Variants in KCNH8 observed in about 807,000 individuals in gnomAD.
KCNH8 encodes the protein voltage-gated delayed rectifier potassium channel KCNH8.
A neutral mutation model predicts 103.6 loss-of-function variants in KCNH8; 70 were observed. That is an observed-to-expected ratio of 0.68 (90% CI 0.56 to 0.82). KCNH8 has a LOEUF of 0.82. KCNH8 is among the 40% of genes least tolerant of loss of function. The pLI, the probability that KCNH8 is intolerant of heterozygous loss-of-function variation, is 0.00. For missense variants in KCNH8, 1,217 were observed against 1,329.9 expected (o/e 0.92, Z 1.32); for synonymous variants, 498 against 489.4 (o/e 1.02, Z -0.23).
At chr3:19,275,587 A>G (rs908628672) in intron 2 of KCNH8, among the ~76,000 whole-genome samples, 4 of 152,126 alleles carry the variant, frequency 2.6e-5, no homozygotes, top group African/African-American at 7.2e-5. Context: ...TTCACTGCAG[A>G]TAAGGTGAAG....
chr3:19,291,686 G>C (rs1013070696), intron 3 of KCNH8, among the ~76,000 whole-genome samples: 10 of 152,148 alleles, frequency 6.6e-5, no homozygotes, highest in Admixed American at 2.0e-4. Flanking sequence ...TTTTGGAATA[G>C]GTGTGGTGTG....
intron 3 of KCNH8, among the ~76,000 whole-genome samples, chr3:19,292,429 C>G (rs1559462759): frequency 6.6e-6 from 1 of 152,142 alleles, no homozygotes; most frequent in Non-Finnish European, 1.5e-5. Flanking sequence ...GTTAATTACA[C>G]TGGTAAAAGT....
chr3:19,392,574 G>T (rs371222925), intron 6 of KCNH8, among the ~76,000 whole-genome samples: 2 of 151,872 alleles, frequency 1.3e-5, no homozygotes, highest in East Asian at 1.9e-4. Flanking sequence ...TTACAACAAA[G>T]ACTTAGAAAA....
intron 10 of KCNH8, 36 bp downstream of exon 10, chr3:19,451,440 C>G: frequency 6.3e-7 from 1 of 1,598,092 alleles, no homozygotes; most frequent in Non-Finnish European, 8.6e-7. Context: ...TGAAATTTGA[C>G]TCTGGAGCAT....
intron 5 of KCNH8, among the ~76,000 whole-genome samples, chr3:19,389,959 C>G (rs1322589900): frequency 6.6e-6 from 1 of 152,038 alleles, no homozygotes; most frequent in Non-Finnish European, 1.5e-5. Context: ...GACTCTGCCA[C>G]TCTTGGCAAT....
chr3:19,281,065 C>T, intron 2 of KCNH8, 133 bp from the exon 3 acceptor site: 1 of 842,044 alleles, frequency 1.2e-6, no homozygotes, highest in South Asian at 1.6e-5. Context: ...TGAAAACTGA[C>T]ATTTTTAAGA....
chr3:19,505,112 T>C, intron 11 of KCNH8, among the ~76,000 whole-genome samples: 1 of 151,388 alleles, frequency 6.6e-6, no homozygotes, highest in South Asian at 2.1e-4. Context: ...CACCATGGAA[T>C]ACTACACCGC....
intron 1 of KCNH8, among the ~76,000 whole-genome samples, chr3:19,209,012 GTCTATA>G (rs2063743406): frequency 6.6e-6 from 1 of 151,676 alleles, no homozygotes; most frequent in African/African-American, 2.4e-5. Flanking sequence ...CTATATTTAT[GTCTATA>G]TCTATACCTG....
At chr3:19,503,541 A>G (rs1360281050) in intron 11 of KCNH8, among the ~76,000 whole-genome samples, 1 of 152,218 alleles carries the variant, frequency 6.6e-6, no homozygotes, top group African/African-American at 2.4e-5. Context: ...ATATCCACCA[A>G]TGATAGACTG....
intron 11 of KCNH8, among the ~76,000 whole-genome samples, chr3:19,498,935 C>G (rs942547916): frequency 8.5e-5 from 13 of 152,202 alleles, no homozygotes; most frequent in Admixed American, 3.3e-4. Context: ...GCAGTCTGCC[C>G]GTTCTCAGAT....
chr3:19,296,836 C>A (rs1299408770), intron 3 of KCNH8, among the ~76,000 whole-genome samples: 3 of 151,078 alleles, frequency 2.0e-5, no homozygotes, highest in Non-Finnish European at 4.4e-5. Context: ...TCACCCAAAA[C>A]CTATGAAATT....
chr3:19,269,078 T>G (rs2064552865), intron 2 of KCNH8, among the ~76,000 whole-genome samples: 1 of 152,100 alleles, frequency 6.6e-6, no homozygotes, highest in Admixed American at 6.6e-5. Flanking sequence ...GGTGTGGATT[T>G]TGGTTTACGT....
At chr3:19,432,474 C>T (rs915972913) in intron 7 of KCNH8, among the ~76,000 whole-genome samples, 1 of 152,134 alleles carries the variant, frequency 6.6e-6, no homozygotes, top group Non-Finnish European at 1.5e-5. Context: ...TTAATGTGAA[C>T]TTTAGCATAT....
At chr3:19,310,120 A>G (rs976102939) in intron 3 of KCNH8, among the ~76,000 whole-genome samples, 10 of 151,988 alleles carry the variant, frequency 6.6e-5, no homozygotes, top group South Asian at 2.1e-4. Context: ...AGTTACGTCT[A>G]TTTAAAAGGG....
rs570905940 is a variant in KCNH8, at chr3:19,258,588, A to T, written c.310+4701A>T. Reference sequence around the variant, plus strand: ...CCTGAATCCTGAACTTAACATGCAGAGTGCTTTTTGAAAGGATTTATTTCC... The same window carrying T: ...CCTGAATCCTGAACTTAACATGCAGTGTGCTTTTTGAAAGGATTTATTTCC... On this transcript the variant is annotated intron_variant, in intron 2 of 15. Transcript: ENST00000328405. 6.6e-5 allele frequency among the ~76,000 whole-genome samples: 10 copies of T among 152,112 alleles called. No individual in the cohort carries two copies. The South Asian group carries it at 2.1e-3, about 32-fold the overall frequency.
chr3:19,486,512 T>A (rs1244222333), intron 11 of KCNH8, among the ~76,000 whole-genome samples: 1 of 152,204 alleles, frequency 6.6e-6, no homozygotes, highest in African/African-American at 2.4e-5. Context: ...GGAAACCCCA[T>A]CTAGTTGTTT....
chr3:19,169,561 C>A (rs1427614443), intron 1 of KCNH8, among the ~76,000 whole-genome samples: 1 of 152,122 alleles, frequency 6.6e-6, no homozygotes, highest in Non-Finnish European at 1.5e-5. Context: ...TAGTCTCACT[C>A]TTTTCTAACA....
intron 11 of KCNH8, among the ~76,000 whole-genome samples, chr3:19,484,254 T>C (rs1297420075): frequency 6.6e-6 from 1 of 152,208 alleles, no homozygotes; most frequent in Non-Finnish European, 1.5e-5. Context: ...CTACATACCT[T>C]GTACTGAGTG....
At chr3:19,520,459 T>G (rs574891560) in intron 15 of KCNH8, among the ~76,000 whole-genome samples, 1 of 151,932 alleles carries the variant, frequency 6.6e-6, no homozygotes, top group Non-Finnish European at 1.5e-5. Context: ...CCCACTAAGA[T>G]GGGCAGAATA....
Sources: gnomAD v4.1 joint callset for allele counts (sites outside exome capture counted in the v4.1 genomes callset) on GRCh38, gnomAD v4.1.1 for gene constraint, MANE v1.5 for transcripts, NCBI Gene and HGNC (gene_info 2026-07-23, HGNC 2026-07-21) for gene names.